Variants in TTLL13 observed in about 807,000 individuals in gnomAD.
The protein encoded by TTLL13 is tubulin tyrosine ligase like 13.
chr15:90,258,207 T>C, the TTLL13 span: 11 of 1,614,266 alleles, frequency 6.8e-6, no homozygotes, highest in Non-Finnish European at 8.5e-6. Context: ...TACATGTGCC[T>C]GTTTTGAAAT....
At chr15:90,252,934 C>T in the TTLL13 span, among the ~76,000 whole-genome samples, 15 of 152,034 alleles carry the variant, frequency 9.9e-5, no homozygotes, top group Admixed American at 4.6e-4. Flanking sequence ...ACCTGGGAGG[C>T]GGAGGTTGCA....
At chr15:90,258,361 C>A in the TTLL13 span, 1 of 1,099,750 alleles carries the variant, frequency 9.1e-7, no homozygotes, top group South Asian at 1.3e-5. Flanking sequence ...GGTGGTGGAA[C>A]ACAGAATGGG....
chr15:90,263,623 G>A, the TTLL13 span: 1 of 593,370 alleles, frequency 1.7e-6, no homozygotes, highest in Non-Finnish European at 3.0e-6. Context: ...CCCCAAAGGA[G>A]TATCTGGTTA....
At chr15:90,257,746 T>C in the TTLL13 span, 13 of 1,606,780 alleles carry the variant, frequency 8.1e-6, no homozygotes, top group Admixed American at 1.5e-4. Flanking sequence ...TGTTTTCTCC[T>C]GCTTCCTCTG....
chr15:90,253,719 C>G, the TTLL13 span, among the ~76,000 whole-genome samples: 9 of 152,162 alleles, frequency 5.9e-5, no homozygotes, highest in Non-Finnish European at 1.2e-4. Context: ...AATGATCCAG[C>G]CTTCTAAGCA....
chr15:90,257,881 C>A, the TTLL13 span: 2 of 925,870 alleles, frequency 2.2e-6, no homozygotes, highest in Non-Finnish European at 3.3e-6. Flanking sequence ...CTAAGTGCAG[C>A]CCCAAACCTC....
At chr15:90,250,703 GT>G in the TTLL13 span, 3 of 1,614,176 alleles carry the variant, frequency 1.9e-6, no homozygotes, top group Admixed American at 5.0e-5. Context: ...TGAGAAGTGT[GT>G]TAAAGAGGGA....
the TTLL13 span, chr15:90,264,103 C>A: frequency 1.6e-6 from 2 of 1,243,342 alleles, no homozygotes; most frequent in Non-Finnish European, 2.3e-6. Flanking sequence ...ATATGTAAAT[C>A]CCACTAGCAA....
the TTLL13 span, chr15:90,262,612 A>G: frequency 6.5e-7 from 1 of 1,532,186 alleles, no homozygotes; most frequent in East Asian, 2.4e-5. Flanking sequence ...GACCCAGGGC[A>G]GGGCTCCAGA....
chr15:90,263,236 T>C, the TTLL13 span: 7 of 1,186,820 alleles, frequency 5.9e-6, no homozygotes, highest in Non-Finnish European at 8.0e-6. Context: ...GAGGCTTGTG[T>C]GATGGTATCT....
At chr15:90,257,851 T>G in the TTLL13 span, 29 of 1,006,958 alleles carry the variant, frequency 2.9e-5, no homozygotes, top group Admixed American at 5.3e-4. Flanking sequence ...GACCCTGTCC[T>G]GTGCCTGCAC....
the TTLL13 span, chr15:90,258,562 C>G: frequency 3.5e-5 from 22 of 627,348 alleles, no homozygotes; most frequent in East Asian, 5.7e-4. Flanking sequence ...TTTGCTCTCA[C>G]TGGTCTGTGA....
chr15:90,255,974 C>G, the TTLL13 span: 1 of 1,594,408 alleles, frequency 6.3e-7, no homozygotes, highest in Non-Finnish European at 8.6e-7. Flanking sequence ...AGGAATGTCT[C>G]AGAGGGATGG....
chr15:90,249,947 T>TTTTATTTTATTTATTTA, the TTLL13 span: 9 of 147,574 alleles, frequency 6.1e-5, no homozygotes, highest in East Asian at 2.0e-4. Flanking sequence ...CTGTATTTTA[T>TTTTATTTTATTTATTTA]TTTATTTATT....
chr15:90,265,196 T>C, the TTLL13 span: 12 of 1,343,832 alleles, frequency 8.9e-6, no homozygotes, highest in African/African-American at 1.0e-4. Context: ...AGGCCAGCCA[T>C]GTACTCATTT....
At chr15:90,258,689 C>A in the TTLL13 span, 1 of 1,448,196 alleles carries the variant, frequency 6.9e-7, no homozygotes, top group Non-Finnish European at 9.7e-7. Flanking sequence ...TGCAAGAGGC[C>A]ACCACCTGCT....
At chr15:90,260,643 G>T in the TTLL13 span, among the ~76,000 whole-genome samples, 413 of 152,234 alleles carry the variant, frequency 2.7e-3, 1 homozygote, top group African/African-American at 8.8e-3. Context: ...AGGAGGTCAA[G>T]AGATCAAGAC....
the TTLL13 span, chr15:90,258,813 A>T: frequency 1.2e-6 from 2 of 1,614,190 alleles, no homozygotes; most frequent in South Asian, 2.2e-5. Context: ...CTTCTCTGTG[A>T]TGCTATGACC....
At chr15:90,257,160 A>G in the TTLL13 span, 1 of 1,613,502 alleles carries the variant, frequency 6.2e-7, no homozygotes, top group South Asian at 1.1e-5. Flanking sequence ...GATGGCTTCA[A>G]GTTTGATATG....
Sources: allele counts gnomAD v4.1 joint callset (sites outside exome capture counted in the v4.1 genomes callset), GRCh38; gene constraint gnomAD v4.1.1; transcripts MANE v1.5; gene names NCBI Gene and HGNC (gene_info 2026-07-23, HGNC 2026-07-21).